Variants in TMEM87B observed in about 807,000 individuals in gnomAD.
The protein encoded by TMEM87B is transmembrane protein 87B.
Under a neutral mutation model 80.3 loss-of-function variants are expected in TMEM87B, and 83 were observed. The ratio of observed to expected loss-of-function variants is 1.03; its 90% CI spans 0.87 to 1.24. The LOEUF is 1.24. TMEM87B is among the 50% of genes most tolerant of loss of function. TMEM87B has a pLI of 0.00. For synonymous variants in TMEM87B, 219 were observed against 230.5 expected (o/e 0.95, Z 0.45); for missense variants, 625 against 674.4 (o/e 0.93, Z 0.81).
intron 14 of TMEM87B, among the ~76,000 whole-genome samples, chr2:112,099,823 A>G (rs544271137): frequency 2.0e-5 from 3 of 149,360 alleles, no homozygotes; most frequent in African/African-American, 7.4e-5. Context: ...GTTGCAGTGA[A>G]CTGAGATCAT....
chr2:112,111,234 A>C (rs1679909890), intron 17 of TMEM87B, among the ~76,000 whole-genome samples: 1 of 152,196 alleles, frequency 6.6e-6, no homozygotes, highest in African/African-American at 2.4e-5. Context: ...GGAGAGATTC[A>C]AATTAGGTGG....
intron 3 of TMEM87B, 59 bp downstream of exon 3, chr2:112,064,312 A>C (rs1475869580): frequency 7.3e-7 from 1 of 1,378,636 alleles, no homozygotes; most frequent in African/African-American, 1.4e-5. Flanking sequence ...TATGGGTATA[A>C]AGATTAGCTC....
rs1296545209 is a variant in TMEM87B at position 112,118,746 on chromosome 2, TTTACA to T, written c.*2608_*2612del. 1 of 152,196 alleles carries T rather than the reference TTTACA, an allele frequency of 6.6e-6. No individual in the cohort carries two copies. The highest frequency in any genetic ancestry group is 1.9e-4 in the East Asian group (1 of 5,198). 9.4% of individuals were successfully genotyped at this position (152,196 alleles called of 1,614,324 possible). A position where few individuals can be genotyped will look rare whatever the true frequency, so the allele number is the denominator to read the frequency against. On this transcript the variant is annotated 3_prime_UTR_variant, in exon 19 of 19. Coordinates refer to ENST00000283206, the MANE Select transcript of TMEM87B (RefSeq NM_032824.3). ...TTTCCCCTTGTATTACAGTACAATG[TTTACA>T]TTACTATACTGTCAAGCTGAAAGTA...
In TMEM87B at chr2:112,116,787, C is replaced by T. The variant is rs1680037690; in HGVS notation, c.*644C>T. The T allele has an allele frequency of 6.8e-6, 1 of 147,330 alleles. No homozygotes were observed. The highest frequency in any genetic ancestry group is 1.5e-5 in the Non-Finnish European group (1 of 66,690). 9.1% of individuals were successfully genotyped at this position (147,330 alleles called of 1,614,324 possible). A position where few individuals can be genotyped will look rare whatever the true frequency, so the allele number is the denominator to read the frequency against. On this transcript the variant is annotated 3_prime_UTR_variant, in exon 19 of 19. Coordinates refer to ENST00000283206, the MANE Select transcript of TMEM87B (RefSeq NM_032824.3). Reference sequence around the variant, plus strand: ...CATGGAGTTAGGTCTTCTCTGAGCTCAGGGGAACACAAGTGCACAGAGAGA... The same window carrying T: ...CATGGAGTTAGGTCTTCTCTGAGCTTAGGGGAACACAAGTGCACAGAGAGA...
At chr2:112,066,674 TAGTC>T (rs1420770990) in intron 3 of TMEM87B, among the ~76,000 whole-genome samples, 5 of 152,250 alleles carry the variant, frequency 3.3e-5, no homozygotes, top group Non-Finnish European at 7.3e-5. Flanking sequence ...TGTAGTATCT[TAGTC>T]AGTTTTCTTA....
intron 13 of TMEM87B, 51 bp from the exon 14 acceptor site, chr2:112,098,544 A>T (rs753854722): frequency 1.9e-6 from 3 of 1,544,242 alleles, no homozygotes; most frequent in African/African-American, 2.7e-5. Flanking sequence ...TGGGAAACCT[A>T]TATGCTTATC....
intron 13 of TMEM87B, among the ~76,000 whole-genome samples, chr2:112,098,150 T>C (rs980778615): frequency 2.0e-5 from 3 of 152,170 alleles, no homozygotes; most frequent in Non-Finnish European, 4.4e-5. Context: ...AGATATATTC[T>C]TAGACTTAGA....
chr2:112,103,653 AG>A (rs747986785), intron 15 of TMEM87B, among the ~76,000 whole-genome samples: 23 of 152,270 alleles, frequency 1.5e-4, no homozygotes, highest in Non-Finnish European at 3.1e-4. Context: ...AGGTTAGAGG[AG>A]GGGGAAAGTA....
At chr2:112,074,760 T>G in intron 4 of TMEM87B, 152 bp from the exon 5 acceptor site, 1 of 1,018,024 alleles carries the variant, frequency 9.8e-7, no homozygotes, top group Non-Finnish European at 1.3e-6. Flanking sequence ...AGAACTTTGT[T>G]ACTTGTGTTT....
chr2:112,073,065 A>T (rs1026500144), intron 4 of TMEM87B, among the ~76,000 whole-genome samples: 1 of 151,838 alleles, frequency 6.6e-6, no homozygotes, highest in Non-Finnish European at 1.5e-5. Context: ...ACACCCAGCT[A>T]ACTTTTGTAT....
intron 2 of TMEM87B, among the ~76,000 whole-genome samples, chr2:112,060,613 T>C (rs980738048): frequency 6.6e-6 from 1 of 151,716 alleles, no homozygotes; most frequent in Non-Finnish European, 1.5e-5. Flanking sequence ...CTCGGATGAC[T>C]GCAACCTCCG....
intron 6 of TMEM87B, among the ~76,000 whole-genome samples, chr2:112,079,763 C>T (rs540783780): frequency 3.9e-5 from 6 of 152,296 alleles, no homozygotes; most frequent in Non-Finnish European, 4.4e-5. Flanking sequence ...TCAGCACTTA[C>T]TCTCTTTCAT....
intron 5 of TMEM87B, among the ~76,000 whole-genome samples, chr2:112,075,291 T>C (rs1160265166): frequency 6.6e-6 from 1 of 152,052 alleles, no homozygotes; most frequent in Admixed American, 6.6e-5. Flanking sequence ...TCCTAGCTAC[T>C]TGGGAGGCTG....
chr2:112,084,128 G>A (rs1219298988), intron 8 of TMEM87B, among the ~76,000 whole-genome samples: 1 of 152,162 alleles, frequency 6.6e-6, no homozygotes, highest in Non-Finnish European at 1.5e-5. Context: ...ATTGCAGCAG[G>A]AGCCTGGAAG....
At chr2:112,087,388 A>G (rs1270804955) in intron 9 of TMEM87B, among the ~76,000 whole-genome samples, 1 of 151,066 alleles carries the variant, frequency 6.6e-6, no homozygotes, top group Non-Finnish European at 1.5e-5. Context: ...TCCTGTCTGC[A>G]GAAGACCATT....
Position 112,113,617 on chromosome 2 carries a change from C to G in TMEM87B, c.1608+688C>G, listed in dbSNP as rs147736912. On this transcript the variant is annotated intron_variant, in intron 18 of 18. Coordinates refer to ENST00000283206, the MANE Select transcript of TMEM87B (RefSeq NM_032824.3). ...TGCAAAACAGTTAAACTTCAAGATT[C>G]ATAACTCTACAGAAAGATGTAGCAT... Among the ~76,000 whole-genome samples, 28 of 152,088 alleles carry G rather than the reference C, an allele frequency of 1.8e-4. 1 individual carries two copies. In the South Asian group the frequency reaches 2.1e-3, roughly 11 times the overall value.
At chr2:112,059,185 T>C (rs956382786) in intron 1 of TMEM87B, among the ~76,000 whole-genome samples, 10 of 152,152 alleles carry the variant, frequency 6.6e-5, no homozygotes, top group Non-Finnish European at 1.3e-4. Flanking sequence ...TGCCTAATCA[T>C]TTGTACATTT....
At chr2:112,091,332 C>T (rs919838985) in intron 10 of TMEM87B, among the ~76,000 whole-genome samples, 5 of 152,150 alleles carry the variant, frequency 3.3e-5, no homozygotes, top group African/African-American at 4.8e-5. Flanking sequence ...TGGATCCCCC[C>T]CTTCACTTTT....
In TMEM87B at chr2:112,090,379, A is replaced by ATTGGTTGGTTGG. The variant is rs139232840; in HGVS notation, c.1032+696_1032+707dup. The stretch of plus-strand genomic sequence containing the variant: ...TTTTGTTTGGTTGTCTCATTGGTTG[A>ATTGGTTGGTTGG]TTGGTTGGTTGGTTGGTTGGTTGGT... On this transcript the variant is annotated intron_variant, in intron 10 of 18. Transcript: ENST00000283206. Among the ~76,000 whole-genome samples the ATTGGTTGGTTGG allele has an allele frequency of 2.6e-4, 39 of 150,112 alleles. No homozygotes were observed. In the Middle Eastern group the frequency reaches 0.01, roughly 40 times the overall value.
Sources: allele counts gnomAD v4.1 joint callset (sites outside exome capture counted in the v4.1 genomes callset), GRCh38; gene constraint gnomAD v4.1.1; transcripts MANE v1.5; gene names NCBI Gene and HGNC (gene_info 2026-07-23, HGNC 2026-07-21).